The following UBE2D2 variants were observed in gnomAD, a reference collection of about 807,000 sequenced individuals.
UBE2D2 encodes ubiquitin conjugating enzyme E2 D2, also known as ubiquitin-conjugating enzyme E2 D2.
In UBE2D2, 2 loss-of-function variants were observed where a neutral mutation model predicts 24.2. That is an observed-to-expected ratio of 0.08 (90% CI 0.03 to 0.26). The LOEUF (loss-of-function observed/expected upper bound fraction) is 0.26, where lower values mean the gene tolerates loss of function less well. Among genes scored for constraint, UBE2D2 ranks in the 10% least tolerant of loss-of-function variants. UBE2D2 has a pLI of 1.00. For synonymous variants in UBE2D2, 58 were observed against 56.5 expected (o/e 1.03, Z -0.12); for missense variants, 44 against 177.6 (o/e 0.25, Z 4.28).
upstream of UBE2D2, among the ~76,000 whole-genome samples, chr5:139,557,121 C>A (rs1752990564): frequency 6.6e-6 from 1 of 151,298 alleles, no homozygotes; most frequent in Non-Finnish European, 1.5e-5. Flanking sequence ...GTATGAGTCA[C>A]TGTGCCCAGC....
chr5:139,542,942 G>A (rs750679581), intron 1 of UBE2D2, among the ~76,000 whole-genome samples: 1 of 152,146 alleles, frequency 6.6e-6, no homozygotes, highest in Non-Finnish European at 1.5e-5. Flanking sequence ...TGTCGTCCAG[G>A]ATGGAGTGCA....
At chr5:139,622,685 C>A (rs1462152755) in intron 5 of UBE2D2, among the ~76,000 whole-genome samples, 1 of 149,116 alleles carries the variant, frequency 6.7e-6, no homozygotes, top group Admixed American at 6.7e-5. Flanking sequence ...GTCAGGAGAT[C>A]GAGACCATCC....
chr5:139,594,903 C>T (rs188943763), intron 1 of UBE2D2, among the ~76,000 whole-genome samples: 177 of 152,240 alleles, frequency 1.2e-3, no homozygotes, highest in Middle Eastern at 0.01. Context: ...ATAGTATTTG[C>T]GTATAACCTG....
rs760320251 is a variant in UBE2D2 at position 139,548,605 on chromosome 5, AATCATC to A, written c.-64+22005_-64+22010del. On this transcript the variant is annotated intron_variant, in intron 1 of 6. Coordinates refer to the UBE2D2 transcript ENST00000511725. ...TTTATAATCCCTCTTTTCTCACAAAAATCATCATCATCATCATTATCGTCATTATCA... is the reference window on the plus strand; with the variant it reads ...TTTATAATCCCTCTTTTCTCACAAAAATCATCATCATTATCGTCATTATCA... Among the ~76,000 whole-genome samples the A allele has an allele frequency of 2.0e-5, 3 of 152,150 alleles. No individual in the cohort carries two copies. In the East Asian group the frequency reaches 5.8e-4, roughly 29 times the overall value.
At chr5:139,542,092 C>T (rs1449585688) in intron 1 of UBE2D2, among the ~76,000 whole-genome samples, 1 of 152,130 alleles carries the variant, frequency 6.6e-6, no homozygotes, top group Non-Finnish European at 1.5e-5. Flanking sequence ...GAGGCTGAGG[C>T]AGGAGAATTG....
At chr5:139,614,334 G>A (rs762546292) in intron 2 of UBE2D2, among the ~76,000 whole-genome samples, 1 of 152,100 alleles carries the variant, frequency 6.6e-6, no homozygotes, top group Non-Finnish European at 1.5e-5. Flanking sequence ...TTCTGGAAGT[G>A]TTGGGATTAC....
intron 1 of UBE2D2, among the ~76,000 whole-genome samples, chr5:139,572,294 C>T (rs143788971): frequency 1.2e-3 from 187 of 152,230 alleles, no homozygotes; most frequent in Non-Finnish European, 2.0e-3. Flanking sequence ...ATCATGCATA[C>T]TTGTATTAAA....
Position 139,548,074 on chromosome 5 carries a change from G to A in UBE2D2, c.-64+21462G>A, listed in dbSNP as rs184496396. On this transcript the variant is annotated intron_variant, in intron 1 of 6. Coordinates refer to the UBE2D2 transcript ENST00000511725. ...AGCACTTTAGGAGGCTGAAGCAGGC[G>A]GATGGTTTGAGCCCAGGAGATCAAG... 4.7e-5 allele frequency among the ~76,000 whole-genome samples: 7 copies of A among 148,716 alleles called. No homozygotes were observed. The South Asian group carries it at 8.5e-4, about 18-fold the overall frequency.
intron 1 of UBE2D2, among the ~76,000 whole-genome samples, chr5:139,590,507 TATCTC>T (rs1353441215): frequency 2.1e-5 from 3 of 145,828 alleles, no homozygotes; most frequent in Non-Finnish European, 3.0e-5. Context: ...TGTGGAAAAA[TATCTC>T]AATATTTTGA....
chr5:139,619,240 AC>A (rs1159402947), intron 5 of UBE2D2, among the ~76,000 whole-genome samples: 4 of 151,994 alleles, frequency 2.6e-5, no homozygotes, highest in African/African-American at 9.7e-5. Flanking sequence ...TACCAATAAT[AC>A]AAAAATTAGC....
chr5:139,547,053 G>A (rs963433059), intron 1 of UBE2D2, among the ~76,000 whole-genome samples: 4 of 151,762 alleles, frequency 2.6e-5, no homozygotes, highest in Admixed American at 6.6e-5. Context: ...CATTTTGGGA[G>A]GCTGATACGG....
chr5:139,615,829 A>ATTTTTTTTTTTT, intron 5 of UBE2D2, among the ~76,000 whole-genome samples: 1 of 95,410 alleles, frequency 1.0e-5, no homozygotes, highest in African/African-American at 4.8e-5. Flanking sequence ...AATAATCTAG[A>ATTTTTTTTTTTT]TTTTTTTTTT....
chr5:139,545,727 ATT>A (rs780180254), intron 1 of UBE2D2, among the ~76,000 whole-genome samples: 1 of 129,626 alleles, frequency 7.7e-6, no homozygotes, highest in Admixed American at 7.8e-5. Context: ...CCCAGCCTAC[ATT>A]TTTTTTTTTT....
chr5:139,571,130 T>C (rs1388116263), intron 1 of UBE2D2, among the ~76,000 whole-genome samples: 2 of 151,688 alleles, frequency 1.3e-5, no homozygotes, highest in Non-Finnish European at 2.9e-5. Flanking sequence ...ACAGATCGGC[T>C]GGGCGCGGTG....
At chr5:139,585,094 T>A (rs577164787) in intron 1 of UBE2D2, among the ~76,000 whole-genome samples, 1 of 151,840 alleles carries the variant, frequency 6.6e-6, no homozygotes, top group African/African-American at 2.4e-5. Flanking sequence ...GAGACAGGGC[T>A]TCTCCATGTT....
intron 1 of UBE2D2, among the ~76,000 whole-genome samples, chr5:139,545,461 C>T (rs1300595302): frequency 7.0e-6 from 1 of 143,474 alleles, no homozygotes; most frequent in Non-Finnish European, 1.5e-5. Context: ...GAGTCTCGCT[C>T]TGTTGCCCAG....
At chr5:139,607,287 AG>A (rs1254050032) in intron 2 of UBE2D2, among the ~76,000 whole-genome samples, 4 of 152,252 alleles carry the variant, frequency 2.6e-5, no homozygotes, top group African/African-American at 9.6e-5. Flanking sequence ...TTCTCAATTA[AG>A]ATTTAAATGG....
intron 1 of UBE2D2, among the ~76,000 whole-genome samples, chr5:139,596,589 G>A (rs963067786): frequency 1.3e-5 from 2 of 151,606 alleles, no homozygotes; most frequent in Admixed American, 6.6e-5. Flanking sequence ...ACCGTGCCCA[G>A]CCCAAATGTA....
At chr5:139,528,314 T>C (rs1752562133) in intron 1 of UBE2D2, among the ~76,000 whole-genome samples, 2 of 151,802 alleles carry the variant, frequency 1.3e-5, no homozygotes, top group African/African-American at 4.8e-5. Context: ...GCTATCCCTT[T>C]CACCCTGGCA....
Sources: allele counts gnomAD v4.1 joint callset (sites outside exome capture counted in the v4.1 genomes callset), GRCh38; gene constraint gnomAD v4.1.1; transcripts MANE v1.5; gene names NCBI Gene and HGNC (gene_info 2026-07-23, HGNC 2026-07-21).